PTPN3: variants seen among roughly 807,000 people sequenced by gnomAD.
PTPN3 encodes tyrosine-protein phosphatase non-receptor type 3.
PTPN3 carries 96 observed loss-of-function variants against 132.7 expected under a neutral mutation model. The ratio of observed to expected loss-of-function variants is 0.72; its 90% confidence interval spans 0.61 to 0.86. The LOEUF is 0.86. Among genes scored for constraint, PTPN3 ranks in the 40% least tolerant of loss-of-function variants. The probability of loss-of-function intolerance (pLI) is 0.00; values close to 1 mark genes in which losing one functional copy is unlikely to be tolerated. For synonymous variants in PTPN3, 398 were observed against 429.0 expected, an observed-to-expected ratio of 0.93 and a Z score of 0.89; for missense variants, 1,125 against 1,159.6, an observed-to-expected ratio of 0.97 and a Z score of 0.43.
At chr9:109,484,466 C>G (rs905675426) in intron 1 of PTPN3, among the ~76,000 whole-genome samples, 3 of 152,210 alleles carry the variant, frequency 2.0e-5, no homozygotes, top group Middle Eastern at 3.2e-3. Flanking sequence ...CGAGCCACCT[C>G]TGTGGAAACT....
intron 1 of PTPN3, among the ~76,000 whole-genome samples, chr9:109,485,002 G>A (rs1314367964): frequency 6.6e-6 from 1 of 152,146 alleles, no homozygotes; most frequent in African/African-American, 2.4e-5. Flanking sequence ...GCCAAGGTGG[G>A]TGGATTACTT....
rs114419673 is a variant in PTPN3, at chr9:109,395,810, C to G, written c.1954-4249G>C. Among the ~76,000 whole-genome samples the G allele has an allele frequency of 4.7e-3, 697 of 147,542 alleles. 7 individuals are homozygous for G. The highest frequency in any genetic ancestry group is 0.015 in the African/African-American group (612 of 40,216). Reference sequence around the variant, plus strand: ...TGTGTGTGTCTGTCTGTGTGTGTGTCTCTCTCTCTCTATATATATGTATAT... The same window carrying G: ...TGTGTGTGTCTGTCTGTGTGTGTGTGTCTCTCTCTCTATATATATGTATAT... On this transcript the variant is annotated intron_variant, in intron 19 of 25. Coordinates refer to ENST00000374541, the MANE Select transcript of PTPN3 (RefSeq NM_002829.4).
chr9:109,391,872 G>T (rs976294207), intron 19 of PTPN3, among the ~76,000 whole-genome samples: 7 of 89,538 alleles, frequency 7.8e-5, no homozygotes, highest in South Asian at 3.8e-4. Context: ...ACTAGATGTG[G>T]GGGGGGGGGG....
chr9:109,526,635 A>G, the PTPN3 span, among the ~76,000 whole-genome samples: 1 of 152,176 alleles, frequency 6.6e-6, no homozygotes, highest in South Asian at 2.1e-4. Context: ...CGTTCATGCC[A>G]CTGCACTCCA....
chr9:109,536,974 G>C, the PTPN3 span, among the ~76,000 whole-genome samples: 1 of 151,660 alleles, frequency 6.6e-6, no homozygotes, highest in African/African-American at 2.4e-5. Flanking sequence ...TGAAAGCCCA[G>C]TGTGGTTGGA....
At chr9:109,391,870 T>TA (rs751537375) in intron 19 of PTPN3, among the ~76,000 whole-genome samples, 2 of 29,444 alleles carry the variant, frequency 6.8e-5, no homozygotes, top group Non-Finnish European at 1.1e-4. Flanking sequence ...CAACTAGATG[T>TA]GGGGGGGGGG....
At position 109,415,056 on chromosome 9, in the gene PTPN3, G is replaced by GTCCGTCCGTCCATCCA. The variant is rs1564413541; in HGVS notation, c.1314-4642_1314-4641insTGGATGGACGGACGGA. Among the ~76,000 whole-genome samples, 5 of 60,340 alleles carry GTCCGTCCGTCCATCCA rather than the reference G, an allele frequency of 8.3e-5. No individual in the cohort carries two copies. In the Admixed American group the frequency reaches 9.9e-4, roughly 12 times the overall value. 39.6% of individuals were successfully genotyped at this position (60,340 alleles called of 152,430 possible). A position where few individuals can be genotyped will look rare whatever the true frequency, so the allele number is the denominator to read the frequency against. On this transcript the variant is annotated intron_variant, in intron 14 of 25. Coordinates refer to ENST00000374541, the MANE Select transcript of PTPN3 (RefSeq NM_002829.4). ...TGTCCGTCCGTCCGTCCGTCCATCC[G>GTCCGTCCGTCCATCCA]TCCATCCGTCCGTCCATCCAACCAT...
At chr9:109,499,024 T>C (rs1847807415), upstream of PTPN3, among the ~76,000 whole-genome samples, 1 of 152,036 alleles carries the variant, frequency 6.6e-6, no homozygotes, top group Non-Finnish European at 1.5e-5. Context: ...CTTCATAGCA[T>C]TTAACAGTGA....
chr9:109,438,136 C>A lies in PTPN3; in HGVS notation c.565G>T (p.Glu189Ter), dbSNP rs200331488. ...DQNEDFLTKV[E>*]SLHEQHSGLK... ...CACCTGTGCTGCTCATGCAGAGATT[C>A]GACTTTTGTTAAAAAGTCCTCATTT... The change falls in exon 8 of 26, where the codon GAA becomes TAA. Residue 189 changes from glutamate (E) to a stop codon, truncating the protein, a stop_gained. Coordinates refer to ENST00000374541, the MANE Select transcript of PTPN3 (RefSeq NM_002829.4). LOFTEE classifies it high-confidence loss of function. 1.2e-6 allele frequency: 2 copies of A among 1,613,804 alleles called. No individual in the cohort carries two copies. Among genetic ancestry groups the A allele is most frequent in the Non-Finnish European group, 1.7e-6 (2 of 1,179,876 alleles).
At chr9:109,468,094 C>T (rs1846189405) in intron 1 of PTPN3, among the ~76,000 whole-genome samples, 1 of 152,158 alleles carries the variant, frequency 6.6e-6, no homozygotes, top group African/African-American at 2.4e-5. Flanking sequence ...ACAATGGATG[C>T]TGACTAACTG....
At chr9:109,418,559 T>C (rs945167044) in intron 14 of PTPN3, among the ~76,000 whole-genome samples, 1 of 152,216 alleles carries the variant, frequency 6.6e-6, no homozygotes, top group Admixed American at 6.5e-5. Context: ...CTTGTAGATA[T>C]TCTAGGGGTT....
intron 1 of PTPN3, among the ~76,000 whole-genome samples, chr9:109,482,397 T>C (rs1327483612): frequency 6.6e-6 from 1 of 152,242 alleles, no homozygotes; most frequent in Non-Finnish European, 1.5e-5. Flanking sequence ...TAAAGTTGTA[T>C]CTACGGGATA....
chr9:109,411,170 C>CT lies in PTPN3; in HGVS notation c.1314-756dup, dbSNP rs1367250151. 2.0e-5 allele frequency among the ~76,000 whole-genome samples: 3 copies of CT among 152,338 alleles called. No individual in the cohort carries two copies. In the East Asian group the frequency reaches 5.8e-4, roughly 29 times the overall value. On this transcript the variant is annotated intron_variant, in intron 14 of 25. Coordinates refer to ENST00000374541, the MANE Select transcript of PTPN3 (RefSeq NM_002829.4). The stretch of plus-strand genomic sequence containing the variant: ...CATTTCACCACGGCAGGAAGTCCTG[C>CT]TGGACAGCGCTGTCTTAGAGAGTTA...
At chr9:109,441,000 C>T (rs771453509) in intron 7 of PTPN3, among the ~76,000 whole-genome samples, 1 of 152,118 alleles carries the variant, frequency 6.6e-6, no homozygotes, top group Non-Finnish European at 1.5e-5. Context: ...TCATGGTAAC[C>T]CTGTGATATA....
intron 14 of PTPN3, chr9:109,417,539 T>TG (rs1842614032): frequency 2.1e-6 from 2 of 966,964 alleles, no homozygotes; most frequent in Admixed American, 6.2e-5. Context: ...CAGGTTTTTT[T>TG]TTTTTTCTTT....
the PTPN3 span, among the ~76,000 whole-genome samples, chr9:109,522,233 G>A: frequency 1.3e-5 from 2 of 152,214 alleles, no homozygotes; most frequent in African/African-American, 4.8e-5. Context: ...TTGCAGGAAA[G>A]CCATCTGGTC....
Position 109,409,902 on chromosome 9 carries a change from T to C in PTPN3, c.1578+97A>G, listed in dbSNP as rs888910561. ...TCTGAGGGTTGAACCAACTTCCTTA[T>C]GTAGCTCAGGAATGCAGCACATTTG... On this transcript the variant is annotated intron_variant, in intron 16 of 25. Coordinates refer to ENST00000374541, the MANE Select transcript of PTPN3 (RefSeq NM_002829.4). The C allele has an allele frequency of 8.6e-6, 13 of 1,505,230 alleles. No individual in the cohort carries two copies. The African/African-American group carries it at 9.8e-5, about 11-fold the overall frequency. The allele number at this position is 1,505,230 out of a possible 1,614,324, so 93.2% of individuals were successfully genotyped here.
At chr9:109,469,210 T>A (rs577183516) in intron 1 of PTPN3, among the ~76,000 whole-genome samples, 20 of 152,300 alleles carry the variant, frequency 1.3e-4, no homozygotes, top group Admixed American at 3.9e-4. Context: ...TTCCAAAGGG[T>A]CTGTCTACAT....
intron 4 of PTPN3, among the ~76,000 whole-genome samples, chr9:109,454,787 C>G (rs1286200708): frequency 1.3e-5 from 2 of 152,222 alleles, no homozygotes; most frequent in African/African-American, 4.8e-5. Flanking sequence ...TCAGCACAGA[C>G]TGAGTTATCA....
Sources: allele counts gnomAD v4.1 joint callset (sites outside exome capture counted in the v4.1 genomes callset), GRCh38; gene constraint gnomAD v4.1.1; transcripts MANE v1.5; gene names NCBI Gene and HGNC (gene_info 2026-07-23, HGNC 2026-07-21).